Variants in LDLRAD4 observed in about 807,000 individuals in gnomAD.
The protein encoded by LDLRAD4 is low density lipoprotein receptor class A domain containing 4, also known as low-density lipoprotein receptor class A domain-containing protein 4.
A neutral mutation model predicts 17.0 loss-of-function variants in LDLRAD4; 5 were observed. The observed-to-expected ratio is 0.29, with a 90% CI of 0.15 to 0.62. The LOEUF (loss-of-function observed/expected upper bound fraction) is 0.62. LDLRAD4 is among the 20% of genes least tolerant of loss of function. The pLI, the probability that LDLRAD4 is intolerant of heterozygous loss-of-function variation, is 0.84. For synonymous variants in LDLRAD4, 168 were observed against 171.8 expected (o/e 0.98, Z 0.17); for missense variants, 340 against 424.7 (o/e 0.80, Z 1.75).
Position 13,608,801 on chromosome 18 carries a change from G to A in LDLRAD4, c.182-12316G>A, listed in dbSNP as rs151109789. Among the ~76,000 whole-genome samples the A allele has an allele frequency of 3.3e-5, 5 of 152,324 alleles. No homozygotes were observed. The East Asian group carries it at 5.8e-4, about 18-fold the overall frequency. ...TAGGACTTCACTGAAGGTCCAGTGC[G>A]TTTCCTCCTAAGGACTGTAAACGCT... On this transcript the variant is annotated intron_variant, in intron 3 of 5. Transcript: ENST00000359446.
intron 1 of LDLRAD4, among the ~76,000 whole-genome samples, chr18:13,364,096 T>G (rs1192518211): frequency 1.3e-5 from 2 of 152,216 alleles, no homozygotes; most frequent in Non-Finnish European, 2.9e-5. Context: ...TTAATATATA[T>G]TAAGTGAAAA....
At chr18:13,628,699 C>T (rs776959859) in intron 4 of LDLRAD4, among the ~76,000 whole-genome samples, 1 of 152,220 alleles carries the variant, frequency 6.6e-6, no homozygotes. Flanking sequence ...CCCAGCTGCA[C>T]GCAGATTCCC....
chr18:13,557,414 T>G (rs12326777), intron 3 of LDLRAD4, among the ~76,000 whole-genome samples: 1,932 of 152,360 alleles, frequency 0.013, 43 homozygotes, highest in African/African-American at 0.043. Flanking sequence ...AAGCCTTTTT[T>G]TTTTGAGATT....
intron 1 of LDLRAD4, among the ~76,000 whole-genome samples, chr18:13,340,769 T>G (rs915921922): frequency 6.6e-6 from 1 of 152,200 alleles, no homozygotes; most frequent in Non-Finnish European, 1.5e-5. Context: ...TTTTTTTGCC[T>G]GTGCTTTCAG....
At chr18:13,322,331 GCT>G (rs755563059) in intron 1 of LDLRAD4, among the ~76,000 whole-genome samples, 51 of 105,206 alleles carry the variant, frequency 4.8e-4, no homozygotes, top group Admixed American at 2.2e-3. Context: ...ACAGAGTCTT[GCT>G]CTGTCTCCCA....
At chr18:13,574,640 A>G (rs112703956) in intron 3 of LDLRAD4, among the ~76,000 whole-genome samples, 6 of 152,182 alleles carry the variant, frequency 3.9e-5, no homozygotes, top group Non-Finnish European at 8.8e-5. Context: ...GAGCCCTGGC[A>G]TTGAGTGTGA....
At chr18:13,567,058 A>G (rs905161974) in intron 3 of LDLRAD4, among the ~76,000 whole-genome samples, 13 of 152,170 alleles carry the variant, frequency 8.5e-5, no homozygotes, top group Admixed American at 5.9e-4. Flanking sequence ...CCAGGGGGGA[A>G]GCAGCCCTGC....
chr18:13,570,908 T>C (rs2094680824), intron 3 of LDLRAD4, among the ~76,000 whole-genome samples: 1 of 152,198 alleles, frequency 6.6e-6, no homozygotes, highest in Admixed American at 6.5e-5. Flanking sequence ...AGCCTCAAAC[T>C]CCTAGGCTCA....
At chr18:13,575,916 G>A (rs2094762850) in intron 3 of LDLRAD4, among the ~76,000 whole-genome samples, 1 of 152,138 alleles carries the variant, frequency 6.6e-6, no homozygotes, top group Non-Finnish European at 1.5e-5. Flanking sequence ...TTTTTGATGG[G>A]ATTGTTTGTT....
chr18:13,589,853 C>T (rs1286109891), intron 3 of LDLRAD4, among the ~76,000 whole-genome samples: 1 of 152,052 alleles, frequency 6.6e-6, no homozygotes, highest in African/African-American at 2.4e-5. Flanking sequence ...ATGGAGGGGC[C>T]CAAGGAGTGA....
intron 1 of LDLRAD4, among the ~76,000 whole-genome samples, chr18:13,336,632 T>C (rs1032739896): frequency 1.3e-5 from 2 of 152,200 alleles, no homozygotes; most frequent in Non-Finnish European, 2.9e-5. Flanking sequence ...TTCTGTCTTA[T>C]GCTCATTTGA....
intron 3 of LDLRAD4, among the ~76,000 whole-genome samples, chr18:13,596,069 G>T (rs538565820): frequency 6.6e-6 from 1 of 152,126 alleles, no homozygotes; most frequent in East Asian, 1.9e-4. Flanking sequence ...ATGTATATAT[G>T]TGTGTAACTG....
At chr18:13,471,027 C>G (rs903501480) in intron 3 of LDLRAD4, 4 of 152,182 alleles carry the variant, frequency 2.6e-5, no homozygotes, top group Non-Finnish European at 5.9e-5. Context: ...AGTGTCTTTA[C>G]TGTGGGTGAA....
chr18:13,375,534 G>A (rs2084842655), intron 1 of LDLRAD4, among the ~76,000 whole-genome samples: 1 of 152,198 alleles, frequency 6.6e-6, no homozygotes, highest in African/African-American at 2.4e-5. Context: ...CTGGGTCAGG[G>A]CAGGGCCGAA....
At chr18:13,518,227 C>G (rs1648593) in intron 3 of LDLRAD4, among the ~76,000 whole-genome samples, 96,090 of 152,042 alleles carry the variant, frequency 0.63, 32,143 homozygotes, top group Admixed American at 0.73. Flanking sequence ...GTCCTCTGCA[C>G]TCCTTCTCTC....
At chr18:13,236,434 T>G (rs2042342746) in intron 1 of LDLRAD4, 1 of 151,706 alleles carries the variant, frequency 6.6e-6, no homozygotes, top group Non-Finnish European at 1.5e-5. Context: ...CTCAGCCTCC[T>G]GAGTAGCTGG....
chr18:13,387,570 A>G, exon 2 of LDLRAD4: 1 of 692,474 alleles, frequency 1.4e-6, no homozygotes, highest in Non-Finnish European at 2.5e-6. Context: ...CCCGCGCGAG[A>G]GCCGGGCAGG....
intron 3 of LDLRAD4, among the ~76,000 whole-genome samples, chr18:13,606,749 G>A (rs1163232154): frequency 6.6e-6 from 1 of 152,144 alleles, no homozygotes; most frequent in Non-Finnish European, 1.5e-5. Context: ...AAAATGTACT[G>A]TTTCTAAAGG....
intron 1 of LDLRAD4, among the ~76,000 whole-genome samples, chr18:13,288,659 C>G (rs934223237): frequency 2.0e-5 from 3 of 150,450 alleles, no homozygotes; most frequent in African/African-American, 7.4e-5. Flanking sequence ...GTCACGGGGC[C>G]ACGGTAGCAG....
Sources: gnomAD v4.1 joint callset for allele counts (sites outside exome capture counted in the v4.1 genomes callset) on GRCh38, gnomAD v4.1.1 for gene constraint, MANE v1.5 for transcripts, NCBI Gene and HGNC (gene_info 2026-07-23, HGNC 2026-07-21) for gene names.